Variants in SOD2 observed in about 807,000 individuals in gnomAD.
The protein encoded by SOD2 is superoxide dismutase 2.
Under a neutral mutation model 27.0 loss-of-function variants are expected in SOD2, and 11 were observed. The observed-to-expected ratio is 0.41, with a 90% CI of 0.26 to 0.67. The LOEUF is 0.67. SOD2 is among the 30% of genes least tolerant of loss of function. SOD2 has a pLI of 0.34. For synonymous variants in SOD2, 105 were observed against 103.0 expected, an observed-to-expected ratio of 1.02 and a Z score of -0.12; for missense variants, 250 against 274.5, an observed-to-expected ratio of 0.91 and a Z score of 0.63.
intron 1 of SOD2, among the ~76,000 whole-genome samples, chr6:159,758,269 A>C (rs1383426423): frequency 2.7e-5 from 4 of 148,206 alleles, no homozygotes; most frequent in African/African-American, 1.0e-4. Flanking sequence ...AAAAAAAAAA[A>C]CCACAGACTG....
chr6:159,729,831 G>A (rs1229692041), upstream of SOD2, among the ~76,000 whole-genome samples: 4 of 152,210 alleles, frequency 2.6e-5, no homozygotes, highest in African/African-American at 9.6e-5. Flanking sequence ...TCTTACTGAA[G>A]TTGTTTTGGC....
chr6:159,718,389 C>T (rs559923842), intron 1 of SOD2, among the ~76,000 whole-genome samples: 1 of 152,188 alleles, frequency 6.6e-6, no homozygotes, highest in South Asian at 2.1e-4. Context: ...CTTCAACATA[C>T]ATGGGAACGC....
intron 4 of SOD2, among the ~76,000 whole-genome samples, chr6:159,683,278 G>A (rs374288140): frequency 6.6e-6 from 1 of 152,180 alleles, no homozygotes; most frequent in Non-Finnish European, 1.5e-5. Context: ...GAGGTCAGGC[G>A]TTCGAGACCA....
At chr6:159,732,114 G>A (rs529472701), upstream of SOD2, among the ~76,000 whole-genome samples, 1 of 152,164 alleles carries the variant, frequency 6.6e-6, no homozygotes, top group South Asian at 2.1e-4. Context: ...TTCGCATCCC[G>A]TGAATGCTGT....
Position 159,740,773 on chromosome 6 carries a change from G to A in SOD2, c.-116+4357C>T, listed in dbSNP as rs543753275. ...GGCTGGAATGCAGTTGCGCGATCTC[G>A]GCTCACTGCAACCGCCGCCTCCCGG... On this transcript the variant is annotated intron_variant, in intron 1 of 3. Coordinates refer to the SOD2 transcript ENST00000537657. Among the ~76,000 whole-genome samples, 20 of 149,566 alleles carry A rather than the reference G, an allele frequency of 1.3e-4. No individual in the cohort carries two copies. In the South Asian group the frequency reaches 1.5e-3, roughly 11 times the overall value.
intron 1 of SOD2, among the ~76,000 whole-genome samples, chr6:159,742,831 A>C (rs1023902939): frequency 3.3e-5 from 5 of 151,998 alleles, no homozygotes; most frequent in African/African-American, 1.2e-4. Context: ...CAAGGTGGGA[A>C]GATCACTTGA....
At chr6:159,701,337 G>T (rs1338350872) in intron 1 of SOD2, among the ~76,000 whole-genome samples, 2 of 152,222 alleles carry the variant, frequency 1.3e-5, no homozygotes, top group Non-Finnish European at 2.9e-5. Context: ...ATTTTGGATA[G>T]TGAATTGAGC....
upstream of SOD2, among the ~76,000 whole-genome samples, chr6:159,696,965 A>G (rs1229297792): frequency 1.3e-5 from 2 of 151,470 alleles, no homozygotes; most frequent in African/African-American, 4.8e-5. Context: ...CTTGAGCCCA[A>G]GAGTTCATGG....
At chr6:159,738,930 A>G in intron 1 of SOD2, 3 of 1,284,632 alleles carry the variant, frequency 2.3e-6, no homozygotes, top group Non-Finnish European at 3.4e-6. Context: ...CATAGGTCTC[A>G]TTATAGAACT....
chr6:159,719,726 A>ATT (rs1397533301), intron 1 of SOD2, among the ~76,000 whole-genome samples: 1 of 89,716 alleles, frequency 1.1e-5, no homozygotes, highest in Non-Finnish European at 2.3e-5. Context: ...TTTTTCTTTT[A>ATT]TTTTCTTTTT....
chr6:159,685,400 GC>G (rs1424243689), intron 3 of SOD2, among the ~76,000 whole-genome samples: 5 of 151,546 alleles, frequency 3.3e-5, no homozygotes, highest in African/African-American at 1.2e-4. Flanking sequence ...GTGCCATCAC[GC>G]CCGGCTAATT....
chr6:159,746,589 A>G (rs1031398997), upstream of SOD2, among the ~76,000 whole-genome samples: 3 of 152,276 alleles, frequency 2.0e-5, no homozygotes, highest in East Asian at 1.9e-4. Flanking sequence ...TCAGTAGTCA[A>G]TTTAGTTAGT....
chr6:159,724,141 C>T (rs1156633626), intron 1 of SOD2, among the ~76,000 whole-genome samples: 3 of 150,696 alleles, frequency 2.0e-5, no homozygotes, highest in Non-Finnish European at 4.4e-5. Context: ...GATGAATGAA[C>T]GTCTTAAAAA....
intron 1 of SOD2, among the ~76,000 whole-genome samples, chr6:159,708,145 A>G (rs1229251523): frequency 6.6e-6 from 1 of 152,232 alleles, no homozygotes; most frequent in Non-Finnish European, 1.5e-5. Context: ...ATTTATGACA[A>G]ACCCACACCC....
chr6:159,734,375 CAAAAA>C (rs67668924), intron 1 of SOD2, among the ~76,000 whole-genome samples: 2 of 130,774 alleles, frequency 1.5e-5, no homozygotes, highest in Non-Finnish European at 3.2e-5. Flanking sequence ...GACTCCATCT[CAAAAA>C]AAAAAAAAAA....
chr6:159,685,488 C>A (rs974205076), intron 3 of SOD2, among the ~76,000 whole-genome samples: 3 of 152,078 alleles, frequency 2.0e-5, no homozygotes, highest in Admixed American at 6.6e-5. Context: ...GTGATCCACC[C>A]GCCTTGGCCT....
At chr6:159,725,324 T>C (rs1405187799) in intron 1 of SOD2, among the ~76,000 whole-genome samples, 3 of 151,864 alleles carry the variant, frequency 2.0e-5, no homozygotes, top group Non-Finnish European at 4.4e-5. Context: ...CTATTAAAAA[T>C]ACAAAAATCA....
intron 1 of SOD2, among the ~76,000 whole-genome samples, chr6:159,701,229 A>G (rs929474411): frequency 2.0e-5 from 3 of 152,180 alleles, no homozygotes; most frequent in Non-Finnish European, 4.4e-5. Context: ...GCCAGCTGCC[A>G]ACATCTTTCT....
chr6:159,683,687 G>A (rs1366515638), intron 4 of SOD2, among the ~76,000 whole-genome samples: 2 of 152,168 alleles, frequency 1.3e-5, no homozygotes, highest in Non-Finnish European at 2.9e-5. Flanking sequence ...ACAGGGAGAG[G>A]AAGGAGTGTA....
Sources: gnomAD v4.1 joint callset for allele counts (sites outside exome capture counted in the v4.1 genomes callset) on GRCh38, gnomAD v4.1.1 for gene constraint, MANE v1.5 for transcripts, NCBI Gene and HGNC (gene_info 2026-07-23, HGNC 2026-07-21) for gene names.